TCF4: variants seen among roughly 807,000 people sequenced by gnomAD.
The protein encoded by TCF4 is transcription factor 4.
In TCF4, 3 loss-of-function variants were observed where a neutral mutation model predicts 82.1. The observed-to-expected ratio is 0.04, with a 90% CI of 0.02 to 0.09. The LOEUF (loss-of-function observed/expected upper bound fraction) is 0.09, where lower values mean the gene tolerates loss of function less well. TCF4 is among the 10% of genes least tolerant of loss of function. TCF4 has a pLI of 1.00. For synonymous variants in TCF4, 276 were observed against 309.6 expected (o/e 0.89, Z 1.14); for missense variants, 518 against 852.7 (o/e 0.61, Z 4.89).
intron 8 of TCF4, among the ~76,000 whole-genome samples, chr18:55,328,981 C>CA: frequency 6.6e-6 from 1 of 152,188 alleles, no homozygotes; most frequent in East Asian, 1.9e-4. Flanking sequence ...CATCATGGAG[C>CA]AATAGGACAA....
intron 3 of TCF4, among the ~76,000 whole-genome samples, chr18:55,528,288 G>A (rs2097015673): frequency 2.0e-5 from 3 of 152,144 alleles, no homozygotes; most frequent in Admixed American, 2.0e-4. Context: ...AAGTAATTTG[G>A]TGGGGGTAAG....
At chr18:55,543,346 C>T (rs1351331087) in intron 3 of TCF4, among the ~76,000 whole-genome samples, 1 of 152,048 alleles carries the variant, frequency 6.6e-6, no homozygotes, top group East Asian at 1.9e-4. Flanking sequence ...AGATAATACA[C>T]TGCCTTGGCT....
At chr18:55,422,217 C>A (rs2094798013) in intron 5 of TCF4, 1 of 982,898 alleles carries the variant, frequency 1.0e-6, no homozygotes, top group East Asian at 1.2e-4. Context: ...CCGAGGGAGG[C>A]ACCAGAAGAT....
chr18:55,484,562 C>CT (rs2096488311), intron 3 of TCF4, among the ~76,000 whole-genome samples: 1 of 152,156 alleles, frequency 6.6e-6, no homozygotes, highest in Non-Finnish European at 1.5e-5. Context: ...AAAATCTCGT[C>CT]TTTTTCTTAA....
exon 1 of TCF4, chr18:55,635,800 A>G (rs1270182657): frequency 2.6e-6 from 4 of 1,553,194 alleles, no homozygotes; most frequent in Admixed American, 3.9e-5. Context: ...CTGGCTTTCA[A>G]CTGCACCCTC....
At chr18:55,314,874 G>A (rs567712827) in intron 8 of TCF4, among the ~76,000 whole-genome samples, 23 of 152,132 alleles carry the variant, frequency 1.5e-4, no homozygotes, top group African/African-American at 5.5e-4. Flanking sequence ...CACTTAAACA[G>A]GATCATTATT....
intron 3 of TCF4, 124 bp from the exon 4 acceptor site, chr18:55,464,261 C>A (rs540291606): frequency 9.9e-6 from 8 of 810,058 alleles, no homozygotes; most frequent in Non-Finnish European, 1.7e-5. Context: ...AGGCACCGGG[C>A]TACCATGATG....
chr18:55,306,534 G>T (rs1225687167), intron 8 of TCF4, among the ~76,000 whole-genome samples: 1 of 152,176 alleles, frequency 6.6e-6, no homozygotes, highest in Non-Finnish European at 1.5e-5. Flanking sequence ...ATAAAGAAAA[G>T]AATTAATTTA....
intron 1 of TCF4, 21 bp from the exon 2 acceptor site, chr18:55,587,157 G>T: frequency 7.2e-7 from 1 of 1,395,214 alleles, no homozygotes. Context: ...GGAAATAACC[G>T]CAATCAGAAA....
At chr18:55,536,145 T>C (rs17089877) in intron 3 of TCF4, among the ~76,000 whole-genome samples, 2,073 of 152,314 alleles carry the variant, frequency 0.014, 53 homozygotes, top group African/African-American at 0.048. Flanking sequence ...AGTACTCCCA[T>C]TGGCAAATAT....
At chr18:55,477,675 A>G (rs2096324133) in intron 3 of TCF4, among the ~76,000 whole-genome samples, 1 of 152,198 alleles carries the variant, frequency 6.6e-6, no homozygotes, top group Non-Finnish European at 1.5e-5. Flanking sequence ...GGAAAAATGG[A>G]CCAAGGTTTC....
At chr18:55,562,647 C>T (rs1425508542) in intron 3 of TCF4, among the ~76,000 whole-genome samples, 1 of 152,162 alleles carries the variant, frequency 6.6e-6, no homozygotes, top group Admixed American at 6.5e-5. Flanking sequence ...TCCAATAAAA[C>T]CAACTCACCC....
chr18:55,569,467 C>T (rs1357692079), intron 3 of TCF4, among the ~76,000 whole-genome samples: 20 of 152,128 alleles, frequency 1.3e-4, no homozygotes. Flanking sequence ...ATCACTTGAA[C>T]CCAGGAGGCA....
At chr18:55,291,471 C>T (rs2065080523) in intron 8 of TCF4, among the ~76,000 whole-genome samples, 1 of 152,094 alleles carries the variant, frequency 6.6e-6, no homozygotes, top group Admixed American at 6.5e-5. Flanking sequence ...TGCCATGGTA[C>T]ACTGTAAAAT....
At chr18:55,271,544 A>G (rs1029258668) in intron 10 of TCF4, among the ~76,000 whole-genome samples, 1 of 152,166 alleles carries the variant, frequency 6.6e-6, no homozygotes, top group Non-Finnish European at 1.5e-5. Flanking sequence ...CCTCTGTATG[A>G]CCAAAATAGC....
chr18:55,297,865 C>G (rs568246607), intron 8 of TCF4, among the ~76,000 whole-genome samples: 2 of 151,800 alleles, frequency 1.3e-5, no homozygotes, highest in African/African-American at 4.8e-5. Context: ...AGTGGTATCC[C>G]TTTTTTAAAA....
intron 3 of TCF4, among the ~76,000 whole-genome samples, chr18:55,568,766 C>G (rs1239679446): frequency 2.0e-5 from 3 of 151,934 alleles, no homozygotes; most frequent in Non-Finnish European, 2.9e-5. Flanking sequence ...GTAGACAAAA[C>G]TAGACTTAGA....
At chr18:55,527,853 T>C (rs768560495) in intron 3 of TCF4, among the ~76,000 whole-genome samples, 11 of 152,252 alleles carry the variant, frequency 7.2e-5, no homozygotes, top group East Asian at 1.9e-4. Flanking sequence ...AAAAACGTAT[T>C]TTCTGTTATA....
chr18:55,592,561 G>A (rs2097686734), upstream of TCF4, among the ~76,000 whole-genome samples: 1 of 152,110 alleles, frequency 6.6e-6, no homozygotes, highest in Admixed American at 6.5e-5. Flanking sequence ...GGGAATTAGG[G>A]TTTCAACTGA....
Sources: gnomAD v4.1 joint callset for allele counts (sites outside exome capture counted in the v4.1 genomes callset) on GRCh38, gnomAD v4.1.1 for gene constraint, MANE v1.5 for transcripts, NCBI Gene and HGNC (gene_info 2026-07-23, HGNC 2026-07-21) for gene names.